Variants in NLRC5 observed in about 807,000 individuals in gnomAD.
NLRC5 encodes NLR family CARD domain containing 5, also known as protein NLRC5.
NLRC5 carries 114 observed loss-of-function variants against 206.9 expected under a neutral mutation model. The ratio of observed to expected loss-of-function variants is 0.55; its 90% CI spans 0.47 to 0.64. The LOEUF is 0.64. NLRC5 is among the 30% of genes least tolerant of loss of function. The pLI, the probability that NLRC5 is intolerant of heterozygous loss-of-function variation, is 0.00. For synonymous variants in NLRC5, 952 were observed against 962.8 expected (o/e 0.99, Z 0.21); for missense variants, 2,008 against 2,305.5 (o/e 0.87, Z 2.64).
chr16:57,011,412 C>G (rs914561971), intron 1 of NLRC5, among the ~76,000 whole-genome samples: 1 of 120,590 alleles, frequency 8.3e-6, no homozygotes, highest in Non-Finnish European at 1.8e-5. Context: ...GACTCCGTCT[C>G]AAAAAAAAAA....
At chr16:57,078,466 GTTTTTTTT>G (rs71383218) in intron 43 of NLRC5, among the ~76,000 whole-genome samples, 13 of 92,188 alleles carry the variant, frequency 1.4e-4, no homozygotes, top group African/African-American at 6.0e-4. Flanking sequence ...CTGGGACCTT[GTTTTTTTT>G]TTTTTTTTTT....
At chr16:57,031,058 C>T (rs2061821984) in intron 10 of NLRC5, among the ~76,000 whole-genome samples, 1 of 151,914 alleles carries the variant, frequency 6.6e-6, no homozygotes, top group Non-Finnish European at 1.5e-5. Flanking sequence ...TGTGAACACA[C>T]CACTGCACTC....
intron 35 of NLRC5, 120 bp downstream of exon 35, chr16:57,067,590 C>T: frequency 1.5e-6 from 2 of 1,349,258 alleles, no homozygotes. Context: ...TCACACTTGG[C>T]CAGTGGAGGG....
At chr16:57,032,684 T>C (rs916063071) in intron 11 of NLRC5, among the ~76,000 whole-genome samples, 9 of 151,892 alleles carry the variant, frequency 5.9e-5, no homozygotes, top group African/African-American at 2.2e-4. Flanking sequence ...TGCCAGGACA[T>C]TTCCATCATT....
chr16:57,077,577 T>C lies in NLRC5; in HGVS notation c.4920-142T>C, dbSNP rs1448488009. The stretch of plus-strand genomic sequence containing the variant: ...GCCCCTGCTCTTCTCTGGGCCTTTC[T>C]GCCTCATTGTCTGGGTAGGTGTGTG... On this transcript the variant is annotated intron_variant, in intron 41 of 48. Transcript: ENST00000688547. The C allele has an allele frequency of 6.2e-6, 6 of 967,830 alleles. No individual in the cohort carries two copies. In the African/African-American group the frequency reaches 9.8e-5, roughly 16 times the overall value. The allele number at this position is 967,830 out of a possible 1,614,324, so 60.0% of individuals were successfully genotyped here.
intron 35 of NLRC5, 68 bp downstream of exon 35, chr16:57,067,538 A>G (rs988255583): frequency 5.4e-6 from 8 of 1,477,118 alleles, no homozygotes; most frequent in Admixed American, 1.7e-5. Flanking sequence ...ACTCCAGGCC[A>G]TGTGTGACCC....
intron 1 of NLRC5, among the ~76,000 whole-genome samples, chr16:57,006,735 T>A (rs1232933159): frequency 6.6e-6 from 1 of 152,082 alleles, no homozygotes; most frequent in Non-Finnish European, 1.5e-5. Flanking sequence ...GCTAAATACC[T>A]GTGTATGGAA....
chr16:57,059,111 G>A, intron 29 of NLRC5, 50 bp downstream of exon 29: 1 of 1,612,594 alleles, frequency 6.2e-7, no homozygotes, highest in Non-Finnish European at 8.5e-7. Context: ...GCCAACAGGT[G>A]CCCCTGGCTG....
intron 40 of NLRC5, 97 bp from the exon 41 acceptor site, chr16:57,077,199 C>T (rs1191415324): frequency 9.1e-7 from 1 of 1,099,088 alleles, no homozygotes; most frequent in Non-Finnish European, 1.4e-6. Context: ...TGAGTCGAGG[C>T]CCTTCCTGGG....
chr16:56,997,865 G>A (rs74023630), intron 1 of NLRC5, among the ~76,000 whole-genome samples: 15,842 of 152,194 alleles, frequency 0.1, 910 homozygotes, highest in Middle Eastern at 0.13. Context: ...ACAGGTGTGA[G>A]CCACTATGCC....
intron 11 of NLRC5, among the ~76,000 whole-genome samples, chr16:57,032,072 T>G (rs1374284580): frequency 1.3e-5 from 2 of 152,124 alleles, no homozygotes; most frequent in Non-Finnish European, 2.9e-5. Flanking sequence ...TCTCTTTCCC[T>G]TCTCTGGATC....
chr16:57,005,104 C>T (rs72773119), intron 1 of NLRC5, among the ~76,000 whole-genome samples: 8,065 of 152,196 alleles, frequency 0.053, 272 homozygotes, highest in East Asian at 0.14. Flanking sequence ...ACACTTCGAA[C>T]GGAAAGCCAG....
chr16:57,059,920 C>T (rs563416394), intron 30 of NLRC5, among the ~76,000 whole-genome samples: 59 of 152,202 alleles, frequency 3.9e-4, no homozygotes, highest in African/African-American at 1.3e-3. Flanking sequence ...GATAATAACA[C>T]AACCTACCCC....
Position 57,022,257 on chromosome 16 carries a change from G to T in NLRC5, c.297G>T (p.Gly99=), listed in dbSNP as rs754228418. ...LLLSTFGYDD[G]FTSQLGAEGK... ...ATTATACTCTCCCCTCTCTTGCAGG[G>T]TTCACCAGCCAGCTGGGAGCTGAGG... Residue 99 remains glycine (G), a splice_region_variant and synonymous_variant, in exon 4 of 49, where the codon GGG becomes GGT. Transcript: ENST00000688547. The T allele has an allele frequency of 4.0e-5, 64 of 1,611,506 alleles. No homozygotes were observed. The highest frequency in any genetic ancestry group is 7.6e-6 in the Non-Finnish European group (9 of 1,178,010).
At position 57,066,567 on chromosome 16, in the gene NLRC5, G is replaced by C. The variant is rs1246468910; in HGVS notation, c.4275G>C (p.Gln1425His). 6.2e-7 allele frequency: 1 copy of C among 1,614,102 alleles called. No homozygotes were observed. Among genetic ancestry groups the C allele is most frequent in the Non-Finnish European group, 8.5e-7 (1 of 1,180,018 alleles). ...AGACCCAGCAGCAGCTCTGTGTCCA[G>C]CTGGAATTTCCTCGCCAGGAAGAGA... The part of the protein sequence containing the change: ...ISETQQQLCV[Q>H]LEFPRQEENP... Residue 1425 changes from glutamine (Q) to histidine (H), a missense_variant, in exon 34 of 49, where the codon CAG becomes CAC. Coordinates refer to ENST00000688547, the MANE Select transcript of NLRC5 (RefSeq NM_001384950.1).
rs912132942 is a variant in NLRC5 at position 57,026,513 on chromosome 16, C to T, written c.1570C>T (p.Leu524=). The T allele has an allele frequency of 3.7e-6, 6 of 1,614,014 alleles. No homozygotes were observed. Among genetic ancestry groups the T allele is most frequent in the South Asian group, 1.1e-5 (1 of 91,092 alleles). Residue 524 remains leucine, a synonymous_variant, in exon 6 of 49, where the codon CTG becomes TTG. Coordinates refer to ENST00000688547, the MANE Select transcript of NLRC5 (RefSeq NM_001384950.1). The part of the protein sequence containing the change: ...HLSLQEFLAA[L]HLMASPKVNK... Reference sequence around the variant, plus strand: ...CAGCCTGCAGGAGTTTCTTGCTGCCCTGCACCTGATGGCCAGCCCCAAGGT... The same window carrying T: ...CAGCCTGCAGGAGTTTCTTGCTGCCTTGCACCTGATGGCCAGCCCCAAGGT...
chr16:57,066,442 G>A lies in NLRC5; in HGVS notation c.4242-92G>A, dbSNP rs528333169. 1.1e-3 allele frequency: 1,207 copies of A among 1,059,308 alleles called. 4 individuals carry two copies. Among genetic ancestry groups the A allele is most frequent in the Non-Finnish European group, 1.6e-3 (1,102 of 690,956 alleles). 65.6% of individuals were successfully genotyped at this position (1,059,308 alleles called of 1,614,324 possible). On this transcript the variant is annotated intron_variant, in intron 33 of 48. Transcript: ENST00000688547. ...GGAGAAGGGGACCCAGGCAAAGTGAGAGTTCAGAGTTGGAGCCGGGCAGCC... is the reference window on the plus strand; with the variant it reads ...GGAGAAGGGGACCCAGGCAAAGTGAAAGTTCAGAGTTGGAGCCGGGCAGCC...
intron 39 of NLRC5, among the ~76,000 whole-genome samples, chr16:57,076,542 A>T (rs936980129): frequency 9.9e-5 from 15 of 152,242 alleles, no homozygotes; most frequent in African/African-American, 3.6e-4. Flanking sequence ...CTCCTGGGCC[A>T]GGGGCTCTGG....
chr16:57,042,103 C>T (rs749104164), intron 19 of NLRC5, 38 bp downstream of exon 19: 63 of 1,357,002 alleles, frequency 4.6e-5, no homozygotes, highest in Non-Finnish European at 5.8e-5. Flanking sequence ...GAGGCTGGGG[C>T]AGGGGGGGAG....
Sources: gnomAD v4.1 joint callset for allele counts (sites outside exome capture counted in the v4.1 genomes callset) on GRCh38, gnomAD v4.1.1 for gene constraint, MANE v1.5 for transcripts, NCBI Gene and HGNC (gene_info 2026-07-23, HGNC 2026-07-21) for gene names.